MID1: variants seen among roughly 807,000 people sequenced by gnomAD.
The protein encoded by MID1 is E3 ubiquitin-protein ligase Midline-1.
In MID1, 7 loss-of-function variants were observed where a neutral mutation model predicts 40.4. The observed-to-expected ratio is 0.17, with a 90% CI of 0.10 to 0.33. The LOEUF (loss-of-function observed/expected upper bound fraction) is 0.33, where lower values mean the gene tolerates loss of function less well. Ranked by LOEUF, MID1 falls within the 10% of genes least tolerant of loss-of-function variation. The pLI, the probability that MID1 is intolerant of heterozygous loss-of-function variation, is 1.00. For synonymous variants in MID1, 229 were observed against 221.2 expected (o/e 1.04, Z -0.31); for missense variants, 367 against 558.5 (o/e 0.66, Z 3.46).
At chrX:10,513,653 C>T (rs535008677) in intron 3 of MID1, among the ~76,000 whole-genome samples, 1 of 111,565 alleles carries the variant, frequency 9.0e-6, no homozygotes, top group African/African-American at 3.3e-5. Flanking sequence ...GGATTACAGG[C>T]GCCTGCCACC....
intron 9 of MID1, 77 bp downstream of exon 9, chrX:10,454,793 A>G: frequency 1.2e-6 from 1 of 864,194 alleles, no homozygotes; most frequent in Non-Finnish European, 1.7e-6. Context: ...GATGCATTAC[A>G]GTATGGGTTG....
chrX:10,646,444 A>T (rs760718575), intron 1 of MID1, among the ~76,000 whole-genome samples: 1 of 111,701 alleles, frequency 9.0e-6, no homozygotes, highest in African/African-American at 3.3e-5. Flanking sequence ...AAGGAGGTAT[A>T]ACAGAGAGTA....
chrX:10,654,984 G>T (rs1461190973), intron 1 of MID1, among the ~76,000 whole-genome samples: 1 of 112,136 alleles, frequency 8.9e-6, no homozygotes, highest in African/African-American at 3.2e-5. Flanking sequence ...TTGCATAGCA[G>T]GATATAAAAA....
At chrX:10,758,126 G>T (rs1234280509) in intron 1 of MID1, among the ~76,000 whole-genome samples, 2 of 98,474 alleles carry the variant, frequency 2.0e-5, no homozygotes, top group African/African-American at 8.8e-5. Flanking sequence ...AGCATGCCCT[G>T]CTTTTTTTTT....
intron 1 of MID1, chrX:10,677,815 C>G (rs191869951): frequency 1.8e-5 from 2 of 110,670 alleles, no homozygotes; most frequent in African/African-American, 6.6e-5. Context: ...CCGCACCCCC[C>G]ACCCCAGGCC....
At chrX:10,474,971 T>C (rs1414613822) in intron 5 of MID1, 1 of 460,899 alleles carries the variant, frequency 2.2e-6, no homozygotes, top group African/African-American at 2.3e-5. Context: ...CAAAATGGCT[T>C]GCCCTCTTCC....
chrX:10,496,872 T>C (rs757780067), intron 3 of MID1, among the ~76,000 whole-genome samples: 16 of 112,491 alleles, frequency 1.4e-4, no homozygotes, highest in African/African-American at 5.2e-4. Flanking sequence ...GAGAAGATGA[T>C]AGTCATTGGC....
intron 1 of MID1, among the ~76,000 whole-genome samples, chrX:10,752,597 C>T (rs2043607275): frequency 9.0e-6 from 1 of 111,313 alleles, no homozygotes; most frequent in Admixed American, 9.5e-5. Context: ...CTGCAAGAGC[C>T]CATGGAAGCC....
intron 1 of MID1, among the ~76,000 whole-genome samples, chrX:10,810,916 G>A (rs984815456): frequency 4.5e-5 from 5 of 110,074 alleles, no homozygotes; most frequent in Non-Finnish European, 7.6e-5. Flanking sequence ...CCTGTCTGTG[G>A]TGCTCCTCTG....
At chrX:10,772,995 G>C (rs1452745762) in intron 1 of MID1, among the ~76,000 whole-genome samples, 1 of 110,548 alleles carries the variant, frequency 9.0e-6, no homozygotes, top group Non-Finnish European at 1.9e-5. Flanking sequence ...GGACTTGAAG[G>C]ATTAAAAAAA....
chrX:10,799,653 G>T (rs543953774), intron 1 of MID1, among the ~76,000 whole-genome samples: 3 of 108,977 alleles, frequency 2.8e-5, no homozygotes, highest in Non-Finnish European at 3.8e-5. Flanking sequence ...TTTATGGCAA[G>T]GTTGAGATAC....
intron 1 of MID1, among the ~76,000 whole-genome samples, chrX:10,805,470 T>C (rs2044038521): frequency 9.3e-6 from 1 of 107,798 alleles, no homozygotes; most frequent in South Asian, 4.2e-4. Flanking sequence ...CAGTCTATCA[T>C]TGTTGGACAT....
At chrX:10,680,826 T>A (rs1335262523) in intron 1 of MID1, among the ~76,000 whole-genome samples, 1 of 108,202 alleles carries the variant, frequency 9.2e-6, no homozygotes, top group Non-Finnish European at 1.9e-5. Flanking sequence ...AGCTCAGGAG[T>A]TCAAGATCAG....
At chrX:10,777,589 G>A (rs1284074144) in intron 1 of MID1, among the ~76,000 whole-genome samples, 9 of 107,420 alleles carry the variant, frequency 8.4e-5, no homozygotes, top group African/African-American at 1.7e-4. Flanking sequence ...TGCCCAGGCC[G>A]GAGTGCGGTG....
At chrX:10,797,138 C>T (rs1204263095) in intron 1 of MID1, among the ~76,000 whole-genome samples, 3 of 111,142 alleles carry the variant, frequency 2.7e-5, no homozygotes, top group Non-Finnish European at 3.8e-5. Context: ...ATAAATTAAT[C>T]CATTCAAAGT....
intron 2 of MID1, among the ~76,000 whole-genome samples, chrX:10,539,972 G>A (rs770486464): frequency 1.5e-4 from 17 of 112,482 alleles, no homozygotes; most frequent in East Asian, 2.8e-4. Flanking sequence ...TAGCCTAGGC[G>A]GGCAGATGGC....
In MID1 at chrX:10,573,733, C is replaced by A. The variant is rs112435311; in HGVS notation, c.-56-6130G>T. Among the ~76,000 whole-genome samples the A allele has an allele frequency of 2.8e-3, 317 of 112,131 alleles. 3 individuals are homozygous for A. Among genetic ancestry groups the A allele is most frequent in the African/African-American group, 9.6e-3 (296 of 30,888 alleles). ...TCTATGGTTCCTTTGACAGGGCCAT[C>A]CAGTTTTTTGTTTGTTTCATGTACT... is the stretch of plus-strand genomic sequence containing the variant. On this transcript the variant is annotated intron_variant, in intron 1 of 9. Coordinates refer to ENST00000317552, the MANE Select transcript of MID1 (RefSeq NM_000381.4).
intron 3 of MID1, among the ~76,000 whole-genome samples, chrX:10,518,230 C>A (rs946652959): frequency 8.9e-6 from 1 of 111,944 alleles, no homozygotes; most frequent in African/African-American, 3.2e-5. Flanking sequence ...CAAAGTCCCA[C>A]GAGAGCATAT....
At chrX:10,548,856 T>C (rs2147426523) in intron 2 of MID1, among the ~76,000 whole-genome samples, 1 of 112,281 alleles carries the variant, frequency 8.9e-6, no homozygotes, top group East Asian at 2.8e-4. Flanking sequence ...CATATTCAAA[T>C]TTACTCAGAT....
Sources: gnomAD v4.1 joint callset for allele counts (sites outside exome capture counted in the v4.1 genomes callset) on GRCh38, gnomAD v4.1.1 for gene constraint, MANE v1.5 for transcripts, NCBI Gene and HGNC (gene_info 2026-07-23, HGNC 2026-07-21) for gene names.